DOCK1: variants seen among roughly 807,000 people sequenced by gnomAD.
DOCK1 encodes dedicator of cytokinesis protein 1.
DOCK1 carries 138 observed loss-of-function variants against 262.7 expected under a neutral mutation model. That is an observed-to-expected ratio of 0.53 (90% confidence interval 0.46 to 0.61). The LOEUF is 0.61. Among genes scored for constraint, DOCK1 ranks in the 20% least tolerant of loss-of-function variants. DOCK1 has a pLI of 0.00. For synonymous variants in DOCK1, 866 were observed against 867.4 expected (o/e 1.00, Z 0.03); for missense variants, 1,908 against 2,370.7 (o/e 0.80, Z 4.05).
intron 27 of DOCK1, among the ~76,000 whole-genome samples, chr10:127,217,460 G>A (rs1564911185): frequency 6.6e-6 from 1 of 152,126 alleles, no homozygotes; most frequent in Non-Finnish European, 1.5e-5. Context: ...ACTTGGCCAG[G>A]AGACCTTGAG....
At chr10:127,205,075 A>G (rs2057653754) in intron 27 of DOCK1, among the ~76,000 whole-genome samples, 1 of 151,996 alleles carries the variant, frequency 6.6e-6, no homozygotes, top group Non-Finnish European at 1.5e-5. Context: ...GAACCCAAAT[A>G]TGACAATGAG....
chr10:126,989,054 C>A (rs2379273), intron 5 of DOCK1, among the ~76,000 whole-genome samples: 44,370 of 145,278 alleles, frequency 0.31, 6,892 homozygotes, highest in East Asian at 0.59. Flanking sequence ...GCCTGAGTAA[C>A]AGAGCGAGAC....
chr10:127,186,344 C>T (rs907428306), intron 27 of DOCK1, among the ~76,000 whole-genome samples: 32 of 152,130 alleles, frequency 2.1e-4, no homozygotes, highest in African/African-American at 7.7e-4. Context: ...CACAAGGCTG[C>T]AGGACTGAAT....
intron 29 of DOCK1, among the ~76,000 whole-genome samples, chr10:127,308,783 T>G (rs1236586308): frequency 6.6e-6 from 1 of 152,238 alleles, no homozygotes; most frequent in Admixed American, 6.5e-5. Flanking sequence ...TTTTTATGGC[T>G]ACATAGTATT....
intron 32 of DOCK1, among the ~76,000 whole-genome samples, chr10:127,355,418 G>A (rs1010801853): frequency 9.9e-5 from 15 of 152,112 alleles, no homozygotes; most frequent in African/African-American, 3.4e-4. Flanking sequence ...CTCACTCCTC[G>A]TTGAGATGAA....
At position 127,343,644 on chromosome 10, in the gene DOCK1, A is replaced by T; in HGVS notation, c.3124-2A>T. The T allele has an allele frequency of 6.2e-7, 1 of 1,604,004 alleles. No individual in the cohort carries two copies. The highest frequency in any genetic ancestry group is 1.7e-5 in the Admixed American group (1 of 58,412). ...TAGCATCTCCTCCTTTTTGGTTTTC[A>T]GCTGTGGAACAACTACTTTCACCTG... On this transcript the variant is annotated splice_acceptor_variant, in intron 30 of 51. Coordinates refer to ENST00000623213, the MANE Select transcript of DOCK1 (RefSeq NM_001290223.2). LOFTEE classifies it high-confidence loss of function.
Position 127,381,350 on chromosome 10 carries a change from C to T in DOCK1, c.3789C>T (p.Leu1263=), listed in dbSNP as rs754335789. 6.2e-7 allele frequency: 1 copy of T among 1,611,658 alleles called. No homozygotes were observed. Among genetic ancestry groups the T allele is most frequent in the East Asian group, 2.2e-5 (1 of 44,812 alleles). The stretch of plus-strand genomic sequence containing the variant: ...CCGAAGCGGCTTACACCTTGCTTCT[C>T]CATGCAAAGCTTCTTAAGGTAATGT... ...NYTEAAYTLL[L]HAKLLKWSED... The change falls in exon 37 of 52, where the codon CTC becomes CTT. Residue 1263 remains leucine, a synonymous_variant. Transcript: ENST00000623213.
chr10:127,267,789 A>G (rs541740252), intron 29 of DOCK1, among the ~76,000 whole-genome samples: 2 of 152,160 alleles, frequency 1.3e-5, no homozygotes, highest in East Asian at 1.9e-4. Context: ...CTTTATTATG[A>G]TCCTCCTCCC....
At chr10:127,325,469 T>G (rs903118005) in intron 29 of DOCK1, among the ~76,000 whole-genome samples, 4 of 152,252 alleles carry the variant, frequency 2.6e-5, no homozygotes, top group African/African-American at 9.6e-5. Context: ...ATTTCACAGA[T>G]GCAGAATCTA....
At chr10:127,262,174 G>A (rs2060188620) in intron 29 of DOCK1, among the ~76,000 whole-genome samples, 1 of 135,736 alleles carries the variant, frequency 7.4e-6, no homozygotes, top group East Asian at 2.2e-4. Context: ...GTGCATGTGG[G>A]TGTGTGTGTG....
At chr10:127,007,301 T>C (rs1485396949) in intron 10 of DOCK1, 2 of 152,184 alleles carry the variant, frequency 1.3e-5, no homozygotes, top group Non-Finnish European at 2.9e-5. Context: ...TTTGGTTCTA[T>C]GTATCCCTCC....
chr10:127,358,886 G>C (rs956569458), intron 32 of DOCK1, among the ~76,000 whole-genome samples: 2 of 152,144 alleles, frequency 1.3e-5, no homozygotes, highest in African/African-American at 4.8e-5. Flanking sequence ...CCTTGGCTTC[G>C]TGAGAAAACA....
chr10:126,912,854 C>T lies in DOCK1; in HGVS notation c.46+7291C>T, dbSNP rs377411383. On this transcript the variant is annotated intron_variant, in intron 1 of 51. Transcript: ENST00000623213. The stretch of plus-strand genomic sequence containing the variant: ...CTGCCTCCAAATACAGTCACACATC[C>T]AGGATGCTGAATTTCTGAGGTTAGA... Among the ~76,000 whole-genome samples the T allele has an allele frequency of 5.5e-4, 83 of 152,244 alleles. 2 individuals carry two copies. The South Asian group carries it at 0.017, about 31-fold the overall frequency.
At chr10:127,316,942 C>A (rs1236013464) in intron 29 of DOCK1, among the ~76,000 whole-genome samples, 3 of 152,158 alleles carry the variant, frequency 2.0e-5, no homozygotes, top group Non-Finnish European at 2.9e-5. Flanking sequence ...CATAAACGTT[C>A]CCCTCAGATA....
chr10:127,173,509 C>G (rs918831061), intron 27 of DOCK1, among the ~76,000 whole-genome samples: 5 of 152,106 alleles, frequency 3.3e-5, no homozygotes, highest in African/African-American at 1.2e-4. Flanking sequence ...GTGTTCAGCC[C>G]TCTCAGGTTC....
intron 23 of DOCK1, among the ~76,000 whole-genome samples, chr10:127,076,168 G>A (rs1217082363): frequency 6.6e-6 from 1 of 152,122 alleles, no homozygotes; most frequent in Non-Finnish European, 1.5e-5. Flanking sequence ...GACAGCAAGT[G>A]ACACCAAAAC....
intron 14 of DOCK1, among the ~76,000 whole-genome samples, chr10:127,023,742 C>G (rs1200063747): frequency 6.6e-6 from 1 of 152,058 alleles, no homozygotes; most frequent in East Asian, 1.9e-4. Context: ...CCGAGCAGGT[C>G]CCTGTGGTCT....
chr10:127,042,348 G>A lies in DOCK1; in HGVS notation c.2011-277G>A, dbSNP rs181197793. Among the ~76,000 whole-genome samples the A allele has an allele frequency of 8.7e-4, 132 of 152,296 alleles. 1 individual carries two copies. Among genetic ancestry groups the A allele is most frequent in the Middle Eastern group, 3.4e-3 (1 of 292 alleles). On this transcript the variant is annotated intron_variant, in intron 19 of 51. Transcript: ENST00000623213. The stretch of plus-strand genomic sequence containing the variant: ...CTTTGTCACCAGCCTTATGAAAACC[G>A]GAAAGAGGGTTGGAAAGGCCCCCTG...
At chr10:127,445,774 G>A (rs913832398) in intron 50 of DOCK1, among the ~76,000 whole-genome samples, 1 of 152,198 alleles carries the variant, frequency 6.6e-6, no homozygotes, top group African/African-American at 2.4e-5. Flanking sequence ...CTGATGGCCA[G>A]ATTAACAAAA....
Sources: gnomAD v4.1 joint callset for allele counts (sites outside exome capture counted in the v4.1 genomes callset) on GRCh38, gnomAD v4.1.1 for gene constraint, MANE v1.5 for transcripts, NCBI Gene and HGNC (gene_info 2026-07-23, HGNC 2026-07-21) for gene names.